Variants in MMP11 observed in about 807,000 individuals in gnomAD.
MMP11 encodes the protein matrix metallopeptidase 11, also known as stromelysin-3.
MMP11 carries 26 observed loss-of-function variants against 49.5 expected under a neutral mutation model. The ratio of observed to expected loss-of-function variants is 0.52; its 90% CI spans 0.38 to 0.73. The LOEUF is 0.73. Ranked by LOEUF, MMP11 falls within the 30% of genes least tolerant of loss-of-function variation. The probability of loss-of-function intolerance (pLI) is 0.00; values close to 1 mark genes in which losing one functional copy is unlikely to be tolerated. For synonymous variants in MMP11, 265 were observed against 282.3 expected (o/e 0.94, Z 0.62); for missense variants, 624 against 671.2 (o/e 0.93, Z 0.78).
In MMP11 at chr22:23,780,598, G is replaced by T; in HGVS notation, c.499G>T (p.Asp167Tyr). ...CATCTGTAGGTACTGGCATGGGGAC[G>T]ACCTGCCGTTTGATGGGCCTGGGGG... ...IDFARYWHGD[D>Y]LPFDGPGGIL... is the part of the protein sequence containing the mutation. Residue 167 changes from aspartate to tyrosine, a missense_variant, in exon 4 of 8, where the codon GAC (aspartate) becomes TAC (tyrosine). By Grantham distance (160) the Asp-to-Tyr change is radical. Coordinates refer to ENST00000215743, the MANE Select transcript of MMP11 (RefSeq NM_005940.5). This position sits in a 1 kb window ranked among gnomAD's most constrained non-coding sequence, Gnocchi z 4.6. 1 of 1,598,508 alleles carries T rather than the reference G, an allele frequency of 6.3e-7. No homozygotes were observed. The highest frequency in any genetic ancestry group is 2.2e-5 in the East Asian group (1 of 44,676).
chr22:23,773,796 AC>A (rs1464862814), intron 1 of MMP11, among the ~76,000 whole-genome samples: 1 of 152,016 alleles, frequency 6.6e-6, no homozygotes, highest in Non-Finnish European at 1.5e-5. Context: ...GGGCCACTCC[AC>A]TCCACAGCGG....
intron 7 of MMP11, among the ~76,000 whole-genome samples, chr22:23,782,947 G>T (rs993048444): frequency 6.6e-6 from 1 of 152,160 alleles, no homozygotes; most frequent in Non-Finnish European, 1.5e-5. Flanking sequence ...GGGGGCTAGA[G>T]CCAGTCCAGT....
At position 23,780,233 on chromosome 22, in the gene MMP11, C is replaced by T. The variant is rs1569156574; in HGVS notation, c.339-126C>T. On this transcript the variant is annotated intron_variant, in intron 2 of 7. Transcript: ENST00000215743. The surrounding 1 kb of genome is among the most constrained non-coding windows in gnomAD (Gnocchi z 4.6). ...AGACCAGTGCGCTGAAGCTGAGGCC[C>T]AGAGTACACCTGGCCTGTGTCCTGA... is the stretch of plus-strand genomic sequence containing the variant. The T allele has an allele frequency of 8.3e-7, 1 of 1,201,992 alleles. No homozygotes were observed. The highest frequency in any genetic ancestry group is 2.5e-5 in the East Asian group (1 of 40,504). 74.5% of individuals were successfully genotyped at this position (1,201,992 alleles called of 1,614,324 possible). A position where few individuals can be genotyped will look rare whatever the true frequency, so the allele number is the denominator to read the frequency against.
intron 6 of MMP11, chr22:23,781,756 G>T: frequency 1.6e-6 from 1 of 616,844 alleles, no homozygotes; most frequent in East Asian, 3.6e-5. Context: ...GAAGAGGCAG[G>T]GCAGGGAATT....
intron 7 of MMP11, among the ~76,000 whole-genome samples, 200 bp from the exon 8 acceptor site, chr22:23,783,211 C>T (rs566791401): frequency 1.1e-4 from 17 of 152,246 alleles, no homozygotes; most frequent in African/African-American, 1.9e-4. Context: ...GCCCAGATTC[C>T]GGGGCAGGCA....
chr22:23,775,149 G>A (rs9624325), intron 1 of MMP11, among the ~76,000 whole-genome samples: 6 of 152,224 alleles, frequency 3.9e-5, no homozygotes, highest in Non-Finnish European at 7.3e-5. Context: ...GGAGACAGGG[G>A]GAAGCCCTGG....
At chr22:23,781,819 T>G in intron 6 of MMP11, 1 of 582,958 alleles carries the variant, frequency 1.7e-6, no homozygotes, top group Non-Finnish European at 3.3e-6. Context: ...CTGGCAGAGA[T>G]GAGAGCCTGG....
chr22:23,780,288 G>A lies in MMP11; in HGVS notation c.339-71G>A. ...TCACACACCCACCAAGCATCCAGGGGCAACTCCTGGTGCCTCAGCCATCGG... is the reference window on the plus strand; with the variant it reads ...TCACACACCCACCAAGCATCCAGGGACAACTCCTGGTGCCTCAGCCATCGG... On this transcript the variant is annotated intron_variant, in intron 2 of 7. Transcript: ENST00000215743. The surrounding 1 kb of genome is among the most constrained non-coding windows in gnomAD (Gnocchi z 4.6). The A allele has an allele frequency of 6.3e-7, 1 of 1,597,612 alleles. No homozygotes were observed. Among genetic ancestry groups the A allele is most frequent in the South Asian group, 1.1e-5 (1 of 89,908 alleles).
At chr22:23,781,673 A>T in intron 6 of MMP11, 2 of 642,756 alleles carry the variant, frequency 3.1e-6, no homozygotes, top group Non-Finnish European at 5.8e-6. Flanking sequence ...CAGCCACCCC[A>T]TGGGGCGGGG....
intron 1 of MMP11, 102 bp downstream of exon 1, chr22:23,773,080 C>T (rs1263276357): frequency 1.9e-6 from 2 of 1,059,244 alleles, no homozygotes; most frequent in Non-Finnish European, 2.3e-6. Flanking sequence ...CCCCGGGTGG[C>T]CTCCAGCGCC....
chr22:23,774,931 G>A (rs935777397), intron 1 of MMP11, among the ~76,000 whole-genome samples: 5 of 152,190 alleles, frequency 3.3e-5, no homozygotes, highest in African/African-American at 1.2e-4. Context: ...GAGTCTCTAA[G>A]CTCTGCCAGG....
chr22:23,782,434 C>A lies in MMP11; in HGVS notation c.1284C>A (p.Asp428Glu), dbSNP rs1163459989. ...VDSPVPRRAT[D>E]WRGVPSEIDA... ...GTCCCGTGCCCCGCAGGGCCACTGA[C>A]TGGAGAGGGGTGCCCTCTGAGATCG... The change falls in exon 7 of 8, where the codon GAC becomes GAA. Residue 428 changes from aspartate to glutamate, a missense_variant. Coordinates refer to ENST00000215743, the MANE Select transcript of MMP11 (RefSeq NM_005940.5). The A allele has an allele frequency of 6.2e-7, 1 of 1,613,626 alleles. No homozygotes were observed. The highest frequency in any genetic ancestry group is 1.3e-5 in the African/African-American group (1 of 75,034).
At position 23,780,650 on chromosome 22, in the gene MMP11, A is replaced by G. The variant is rs1262573214; in HGVS notation, c.551A>G (p.Lys184Arg). 29 of 1,584,656 alleles carry G rather than the reference A, an allele frequency of 1.8e-5. No individual in the cohort carries two copies. The highest frequency in any genetic ancestry group is 2.5e-5 in the Non-Finnish European group (29 of 1,167,346). Residue 184 changes from lysine (K) to arginine (R), a missense_variant, in exon 4 of 8, where the codon AAG (lysine) becomes AGG (arginine). By Grantham distance (26) the Lys-to-Arg change is conservative. Coordinates refer to ENST00000215743, the MANE Select transcript of MMP11 (RefSeq NM_005940.5). The surrounding 1 kb of genome is among the most constrained non-coding windows in gnomAD (Gnocchi z 4.6). ...ATCCTGGCCCATGCCTTCTTCCCCA[A>G]GACTCACCGAGAAGGGGATGTCCAC... ...GGILAHAFFPKTHREGDVHFD... is the reference protein window; with the variant it reads ...GGILAHAFFPRTHREGDVHFD...
intron 1 of MMP11, among the ~76,000 whole-genome samples, chr22:23,777,482 G>C (rs1229707587): frequency 6.6e-6 from 1 of 151,082 alleles, no homozygotes; most frequent in African/African-American, 2.4e-5. Context: ...CAGGAGCATG[G>C]CATGAACCCG....
At chr22:23,778,916 T>C (rs771574285) in intron 1 of MMP11, among the ~76,000 whole-genome samples, 1 of 152,122 alleles carries the variant, frequency 6.6e-6, no homozygotes, top group Admixed American at 6.5e-5. Flanking sequence ...CCAGACCTCA[T>C]TGGCCTAAGT....
At position 23,783,590 on chromosome 22, in the gene MMP11, G is replaced by A. The variant is rs1316721658; in HGVS notation, c.*46G>A. On this transcript the variant is annotated 3_prime_UTR_variant, in exon 8 of 8. Coordinates refer to ENST00000215743, the MANE Select transcript of MMP11 (RefSeq NM_005940.5). ...GGGGTGCTGACCCCTGCCAGGCCAC[G>A]AATATCAGGCTAGAGACCCATGGCC... 5 of 1,610,164 alleles carry A rather than the reference G, an allele frequency of 3.1e-6. No individual in the cohort carries two copies. Among genetic ancestry groups the A allele is most frequent in the African/African-American group, 1.3e-5 (1 of 74,984 alleles).
chr22:23,781,744 G>A lies in MMP11; in HGVS notation c.1075+335G>A, dbSNP rs1192084505. On this transcript the variant is annotated intron_variant, in intron 6 of 7. Transcript: ENST00000215743. ...GAAGTGACTCACTGTGAGTGCAGCT[G>A]GGAAGAGGCAGGGCAGGGAATTGAT... 4.8e-6 allele frequency: 3 copies of A among 628,544 alleles called. No homozygotes were observed. In the Admixed American group the frequency reaches 6.4e-5, roughly 13 times the overall value. The allele number at this position is 628,544 out of a possible 1,614,324, so 38.9% of individuals were successfully genotyped here.
chr22:23,773,327 G>T (rs533036270), intron 1 of MMP11, among the ~76,000 whole-genome samples: 1 of 152,172 alleles, frequency 6.6e-6, no homozygotes, highest in African/African-American at 2.4e-5. Context: ...CCTATTCATC[G>T]CAGGGACAAA....
At chr22:23,777,489 C>T (rs1274091444) in intron 1 of MMP11, among the ~76,000 whole-genome samples, 1 of 151,724 alleles carries the variant, frequency 6.6e-6, no homozygotes, top group African/African-American at 2.4e-5. Context: ...ATGGCATGAA[C>T]CCGGAAGGCG....
Sources: allele counts gnomAD v4.1 joint callset (sites outside exome capture counted in the v4.1 genomes callset), GRCh38; gene constraint gnomAD v4.1.1; non-coding constraint Gnocchi (gnomAD v3.1); transcripts MANE v1.5; gene names NCBI Gene and HGNC (gene_info 2026-07-23, HGNC 2026-07-21).